RPS6KA2: variants seen among roughly 807,000 people sequenced by gnomAD.
RPS6KA2 encodes ribosomal protein S6 kinase alpha-2.
Under a neutral mutation model 91.8 loss-of-function variants are expected in RPS6KA2, and 42 were observed. The observed-to-expected ratio is 0.46, with a 90% CI of 0.36 to 0.59. The LOEUF (loss-of-function observed/expected upper bound fraction) is 0.59. Among genes scored for constraint, RPS6KA2 ranks in the 20% least tolerant of loss-of-function variants. RPS6KA2 has a pLI of 0.00. For missense variants in RPS6KA2, 798 were observed against 978.5 expected, an observed-to-expected ratio of 0.82 and a Z score of 2.46; for synonymous variants, 414 against 393.6, an observed-to-expected ratio of 1.05 and a Z score of -0.61.
chr6:166,529,864 T>G (rs1783204494), intron 3 of RPS6KA2, among the ~76,000 whole-genome samples: 1 of 152,216 alleles, frequency 6.6e-6, no homozygotes, highest in Admixed American at 6.5e-5. Flanking sequence ...AACTTCTGCA[T>G]TTTCTTACCA....
rs960780638 is a variant in RPS6KA2 at position 166,560,747 on chromosome 6, A to G, written c.100-21963T>C. ...AGAGGATGCAGGTGCAACGTGACCA[A>G]GTGAACAGGAGGACTGGCTTCCTAC... On this transcript the variant is annotated intron_variant, in intron 1 of 20. Transcript: ENST00000265678. Among the ~76,000 whole-genome samples, 3 of 152,290 alleles carry G rather than the reference A, an allele frequency of 2.0e-5. 1 individual carries two copies. The highest frequency in any genetic ancestry group is 6.8e-3 in the Middle Eastern group (2 of 294).
intron 2 of RPS6KA2, among the ~76,000 whole-genome samples, chr6:166,833,294 A>G (rs1311336765): frequency 6.6e-6 from 1 of 152,250 alleles, no homozygotes; most frequent in Non-Finnish European, 1.5e-5. Flanking sequence ...ATCTACATTA[A>G]TAGAATCCAA....
At chr6:166,710,891 C>T (rs1562395582) in intron 2 of RPS6KA2, among the ~76,000 whole-genome samples, 1 of 152,166 alleles carries the variant, frequency 6.6e-6, no homozygotes, top group African/African-American at 2.4e-5. Context: ...AAAATCCCAA[C>T]AAAAGCCTCT....
At chr6:166,771,772 T>C (rs569017138) in intron 2 of RPS6KA2, among the ~76,000 whole-genome samples, 2 of 152,300 alleles carry the variant, frequency 1.3e-5, no homozygotes, top group Non-Finnish European at 2.9e-5. Context: ...ACCATCTAAA[T>C]GAAATGAGGC....
At chr6:166,797,490 C>T (rs1779256051) in intron 2 of RPS6KA2, among the ~76,000 whole-genome samples, 1 of 152,068 alleles carries the variant, frequency 6.6e-6, no homozygotes, top group South Asian at 2.1e-4. Flanking sequence ...AGCCTATTCA[C>T]ACATATGTCA....
intron 1 of RPS6KA2, among the ~76,000 whole-genome samples, chr6:166,558,215 T>C (rs1343008951): frequency 1.3e-5 from 2 of 151,510 alleles, no homozygotes; most frequent in Admixed American, 1.3e-4. Context: ...AGTCCCAAGG[T>C]CTCCAGTTAG....
intron 14 of RPS6KA2, among the ~76,000 whole-genome samples, chr6:166,442,991 T>A (rs1305057437): frequency 6.6e-6 from 1 of 152,122 alleles, no homozygotes; most frequent in Non-Finnish European, 1.5e-5. Context: ...CTAACTAATG[T>A]CCCACTGTTG....
intron 3 of RPS6KA2, among the ~76,000 whole-genome samples, chr6:166,523,601 C>T (rs1245551670): frequency 1.3e-5 from 2 of 152,116 alleles, no homozygotes; most frequent in Non-Finnish European, 2.9e-5. Context: ...ACAGTCCTCC[C>T]CTCTTAAGAG....
At chr6:166,464,994 AT>A (rs1427752180) in intron 11 of RPS6KA2, among the ~76,000 whole-genome samples, 437 of 37,146 alleles carry the variant, frequency 0.012, 1 homozygote, top group African/African-American at 0.078. Flanking sequence ...ACTTAAAAAA[AT>A]AAATAAATAA....
At chr6:166,647,333 C>G (rs1787637608) in intron 2 of RPS6KA2, among the ~76,000 whole-genome samples, 1 of 152,176 alleles carries the variant, frequency 6.6e-6, no homozygotes, top group African/African-American at 2.4e-5. Context: ...CCGCCTCGTC[C>G]CCATGGCCGC....
chr6:166,603,804 T>A lies in RPS6KA2; in HGVS notation c.99+23117A>T, dbSNP rs531215171. On this transcript the variant is annotated intron_variant, in intron 1 of 20. Coordinates refer to ENST00000265678, the MANE Select transcript of RPS6KA2 (RefSeq NM_021135.6). The surrounding 1 kb of genome is among the most constrained non-coding windows in gnomAD (Gnocchi z 4.3). ...GTGTATCAAATAAATGCCCCCGTAC[T>A]GTTGTTTGCGATAACAAGTCAGGGG... Among the ~76,000 whole-genome samples, 1 of 152,298 alleles carries A rather than the reference T, an allele frequency of 6.6e-6. No homozygotes were observed. The highest frequency in any genetic ancestry group is 2.1e-4 in the South Asian group (1 of 4,826).
At position 166,508,871 on chromosome 6, in the gene RPS6KA2, G is replaced by A. The variant is rs761000117; in HGVS notation, c.380-589C>T. On this transcript the variant is annotated intron_variant, in intron 4 of 20. Coordinates refer to ENST00000265678, the MANE Select transcript of RPS6KA2 (RefSeq NM_021135.6). The surrounding 1 kb of genome is among the most constrained non-coding windows in gnomAD (Gnocchi z 4.3). ...TGCAGACTTTCTGTTTCAGGCCACA[G>A]GCAGGCTACACAGCTCCTGCCCACA... Among the ~76,000 whole-genome samples, 2 of 152,194 alleles carry A rather than the reference G, an allele frequency of 1.3e-5. No homozygotes were observed. Among genetic ancestry groups the A allele is most frequent in the Non-Finnish European group, 2.9e-5 (2 of 68,038 alleles).
intron 14 of RPS6KA2, among the ~76,000 whole-genome samples, chr6:166,447,155 A>G (rs1018122967): frequency 6.6e-6 from 1 of 152,156 alleles, no homozygotes; most frequent in Non-Finnish European, 1.5e-5. Context: ...TACGCGCCCC[A>G]GGCTGCAGAG....
At chr6:166,485,760 A>C (rs1372566765) in intron 10 of RPS6KA2, among the ~76,000 whole-genome samples, 2 of 152,164 alleles carry the variant, frequency 1.3e-5, no homozygotes, top group Non-Finnish European at 2.9e-5. Context: ...CCACACCCAG[A>C]TTTGGGAAAA....
chr6:166,623,777 G>A (rs1169248074), intron 1 of RPS6KA2, among the ~76,000 whole-genome samples: 1 of 152,214 alleles, frequency 6.6e-6, no homozygotes, highest in Non-Finnish European at 1.5e-5. Context: ...GTCTATGGAA[G>A]ATACCCAGTT....
At chr6:166,497,719 C>A (rs866486149) in intron 8 of RPS6KA2, among the ~76,000 whole-genome samples, 2 of 152,154 alleles carry the variant, frequency 1.3e-5, no homozygotes, top group Non-Finnish European at 2.9e-5. Flanking sequence ...GGAGGAGAGG[C>A]GGTCAAAACT....
At chr6:166,523,470 T>A (rs556522904) in intron 3 of RPS6KA2, among the ~76,000 whole-genome samples, 3 of 152,272 alleles carry the variant, frequency 2.0e-5, no homozygotes, top group Non-Finnish European at 4.4e-5. Context: ...GGGATAAGCA[T>A]AGGATTCTGA....
In RPS6KA2 at chr6:166,419,093, A is replaced by G. The variant is rs967978234; in HGVS notation, c.1821-751T>C. ...TTACTCTCCTTCTGCTGTGGACACT[A>G]CCTGTTGACTTATGATGAAATAAGT... On this transcript the variant is annotated intron_variant, in intron 18 of 20. Transcript: ENST00000265678. The surrounding 1 kb of genome is among the most constrained non-coding windows in gnomAD (Gnocchi z 5.6). Among the ~76,000 whole-genome samples, 2 of 152,182 alleles carry G rather than the reference A, an allele frequency of 1.3e-5. No homozygotes were observed. Among genetic ancestry groups the G allele is most frequent in the African/African-American group, 4.8e-5 (2 of 41,430 alleles).
chr6:166,515,995 G>A (rs150394571), intron 3 of RPS6KA2, among the ~76,000 whole-genome samples: 221 of 152,266 alleles, frequency 1.5e-3, no homozygotes, highest in African/African-American at 5.0e-3. Context: ...CAACCTTTCC[G>A]GACTGAACCA....
Sources: allele counts gnomAD v4.1 joint callset (sites outside exome capture counted in the v4.1 genomes callset), GRCh38; gene constraint gnomAD v4.1.1; non-coding constraint Gnocchi (gnomAD v3.1); transcripts MANE v1.5; gene names NCBI Gene and HGNC (gene_info 2026-07-23, HGNC 2026-07-21).